Variants in LRRIQ4 observed in about 807,000 individuals in gnomAD.
LRRIQ4 encodes leucine rich repeats and IQ motif containing 4.
Under a neutral mutation model 40.1 loss-of-function variants are expected in LRRIQ4, and 21 were observed. The ratio of observed to expected loss-of-function variants is 0.52; its 90% CI spans 0.37 to 0.75. The LOEUF (loss-of-function observed/expected upper bound fraction) is 0.75, where lower values mean the gene tolerates loss of function less well. LRRIQ4 is among the 30% of genes least tolerant of loss of function. The pLI, the probability that LRRIQ4 is intolerant of heterozygous loss-of-function variation, is 0.00. For synonymous variants in LRRIQ4, 277 were observed against 277.1 expected (o/e 1.00, Z 0.00); for missense variants, 655 against 660.0 (o/e 0.99, Z 0.08).
At chr3:169,827,536 A>G (rs9827419) in intron 2 of LRRIQ4, among the ~76,000 whole-genome samples, 2,324 of 147,324 alleles carry the variant, frequency 0.016, 59 homozygotes, top group African/African-American at 0.055. Context: ...GAACCCGGGA[A>G]GCGGAGCTTG....
intron 2 of LRRIQ4, among the ~76,000 whole-genome samples, chr3:169,827,916 C>T (rs986411823): frequency 4.6e-5 from 7 of 152,192 alleles, no homozygotes; most frequent in African/African-American, 1.4e-4. Context: ...AGTTCCCACA[C>T]AGGTTACACA....
At chr3:169,829,034 C>G in intron 3 of LRRIQ4, 102 bp downstream of exon 3, 1 of 1,032,690 alleles carries the variant, frequency 9.7e-7, no homozygotes, top group South Asian at 1.7e-5. Context: ...GATGTAGAAT[C>G]ATCCATACTA....
At chr3:169,824,447 CG>C (rs1473869355) in intron 2 of LRRIQ4, among the ~76,000 whole-genome samples, 1 of 151,860 alleles carries the variant, frequency 6.6e-6, no homozygotes, top group Non-Finnish European at 1.5e-5. Flanking sequence ...GTTGGGCACG[CG>C]TGGGTTTATG....
At chr3:169,826,427 C>T (rs758131645) in intron 2 of LRRIQ4, among the ~76,000 whole-genome samples, 6 of 151,536 alleles carry the variant, frequency 4.0e-5, no homozygotes, top group Non-Finnish European at 7.4e-5. Context: ...AGGAAAAAAC[C>T]AAAACAATGT....
At chr3:169,835,572 G>C (rs968559485) in intron 5 of LRRIQ4, among the ~76,000 whole-genome samples, 2 of 152,094 alleles carry the variant, frequency 1.3e-5, no homozygotes, top group South Asian at 2.1e-4. Context: ...GAAATGGACT[G>C]TCTTCAACCT....
intron 2 of LRRIQ4, among the ~76,000 whole-genome samples, chr3:169,823,858 C>A (rs1384418540): frequency 1.3e-5 from 2 of 151,958 alleles, no homozygotes; most frequent in Non-Finnish European, 2.9e-5. Context: ...TTATGGGAGA[C>A]AATCTAAATG....
At chr3:169,820,808 G>A (rs530111386) in intron 1 of LRRIQ4, among the ~76,000 whole-genome samples, 15 of 152,298 alleles carry the variant, frequency 9.8e-5, no homozygotes, top group African/African-American at 3.6e-4. Flanking sequence ...CGGTACTTAA[G>A]ACCATGAAAC....
chr3:169,819,843 A>G (rs1358891398), intron 1 of LRRIQ4, among the ~76,000 whole-genome samples: 1 of 152,204 alleles, frequency 6.6e-6, no homozygotes, highest in East Asian at 1.9e-4. Context: ...ATTTTCAGAA[A>G]TTTGCAAGTA....
At chr3:169,835,364 C>CTTTGTGTGTGTGTGTGTGTGTGTGTG (rs56344833) in intron 5 of LRRIQ4, among the ~76,000 whole-genome samples, 4 of 146,398 alleles carry the variant, frequency 2.7e-5, no homozygotes, top group African/African-American at 7.6e-5. Flanking sequence ...TTGTCTTTTT[C>CTTTGTGTGTGTGTGTGTGTGTGTGTG]TGTGTGTGTG....
At chr3:169,823,461 C>A (rs1779965676) in intron 2 of LRRIQ4, among the ~76,000 whole-genome samples, 1 of 152,002 alleles carries the variant, frequency 6.6e-6, no homozygotes, top group Admixed American at 6.6e-5. Context: ...GGTTCTCCTG[C>A]CTCAGCCTTT....
At chr3:169,831,261 CTTTTTTTTTTTTTTTT>C (rs869088396) in intron 4 of LRRIQ4, among the ~76,000 whole-genome samples, 1 of 33,460 alleles carries the variant, frequency 3.0e-5, no homozygotes, top group Non-Finnish European at 6.2e-5. Flanking sequence ...TATGGCTATT[CTTTTTTTTTTTTTTTT>C]TTTTTTTTTT....
intron 2 of LRRIQ4, 77 bp downstream of exon 2, chr3:169,823,018 C>A (rs13082595): frequency 2.3e-4 from 299 of 1,288,236 alleles, no homozygotes; most frequent in Non-Finnish European, 3.0e-4. Flanking sequence ...TGTATCTAAA[C>A]AGCAAATTTG....
At chr3:169,836,695 A>G (rs1239150515) in intron 5 of LRRIQ4, among the ~76,000 whole-genome samples, 1 of 152,226 alleles carries the variant, frequency 6.6e-6, no homozygotes, top group Non-Finnish European at 1.5e-5. Context: ...GTCCGTAGCA[A>G]TGACAATCAA....
intron 2 of LRRIQ4, among the ~76,000 whole-genome samples, chr3:169,825,008 C>CTT (rs10575036): frequency 3.1e-4 from 41 of 133,998 alleles, no homozygotes; most frequent in African/African-American, 9.0e-4. Flanking sequence ...TTTTAAAAAT[C>CTT]TTTTTTTTTT....
chr3:169,822,238 T>A lies in LRRIQ4; in HGVS notation c.317T>A (p.Ile106Asn). The change falls in exon 2 of 6, where the codon ATC (isoleucine) becomes AAC (asparagine). Residue 106 changes from isoleucine (I) to asparagine (N), a missense_variant. Coordinates refer to ENST00000340806, the MANE Select transcript of LRRIQ4 (RefSeq NM_001080460.3). ...LESLDLSYNP[I>N]FSSSLVVVSF... ...AGCCTGGACCTGAGCTACAACCCCA[T>A]CTTCTCCTCCTCCCTTGTCGTTGTC... is the stretch of plus-strand genomic sequence containing the variant. The A allele has an allele frequency of 6.2e-7, 1 of 1,606,090 alleles. No homozygotes were observed.
Position 169,822,228 on chromosome 3 carries a change from T to TAC in LRRIQ4, c.309_310dup (p.Asn104ThrfsTer28). 2 of 1,604,484 alleles carry TAC rather than the reference T, an allele frequency of 1.2e-6. No individual in the cohort carries two copies. The highest frequency in any genetic ancestry group is 1.7e-6 in the Non-Finnish European group (2 of 1,176,496). ...CAGCCTGGAGAGCCTGGACCTGAGCTACAACCCCATCTTCTCCTCCTCCCT... is the reference window on the plus strand; with the variant it reads ...CAGCCTGGAGAGCCTGGACCTGAGCTACACAACCCCATCTTCTCCTCCTCCCT... On this transcript the variant is annotated frameshift_variant, in exon 2 of 6. Transcript: ENST00000340806. LOFTEE classifies it high-confidence loss of function.
chr3:169,831,679 TG>T (rs1002223367), intron 4 of LRRIQ4, among the ~76,000 whole-genome samples: 17 of 150,556 alleles, frequency 1.1e-4, no homozygotes, highest in African/African-American at 3.9e-4. Context: ...ATTCAAAAAC[TG>T]GGGGCAAGGC....
intron 2 of LRRIQ4, 48 bp from the exon 3 acceptor site, chr3:169,828,711 G>T (rs1317460374): frequency 6.4e-7 from 1 of 1,566,632 alleles, no homozygotes; most frequent in Non-Finnish European, 8.7e-7. Context: ...TATCTCTGCT[G>T]TTAAAAATAA....
intron 2 of LRRIQ4, among the ~76,000 whole-genome samples, chr3:169,828,010 A>C (rs1013334725): frequency 6.6e-6 from 1 of 152,208 alleles, no homozygotes; most frequent in African/African-American, 2.4e-5. Flanking sequence ...AATGGTGTGA[A>C]TATATGTTTG....
Sources: gnomAD v4.1 joint callset for allele counts (sites outside exome capture counted in the v4.1 genomes callset) on GRCh38, gnomAD v4.1.1 for gene constraint, MANE v1.5 for transcripts, NCBI Gene and HGNC (gene_info 2026-07-23, HGNC 2026-07-21) for gene names.